Variants in BCL2L13 observed in about 807,000 individuals in gnomAD.
BCL2L13 encodes bcl-2-like protein 13.
A neutral mutation model predicts 25.8 loss-of-function variants in BCL2L13; 13 were observed. The observed-to-expected ratio is 0.50, with a 90% CI of 0.33 to 0.80. The LOEUF (loss-of-function observed/expected upper bound fraction) is 0.80, where lower values mean the gene tolerates loss of function less well. BCL2L13 is among the 30% of genes least tolerant of loss of function. BCL2L13 has a pLI of 0.02. For missense variants in BCL2L13, 504 were observed against 574.9 expected (o/e 0.88, Z 1.26); for synonymous variants, 244 against 230.3 (o/e 1.06, Z -0.54).
chr22:17,724,394 G>A (rs1283962266), intron 6 of BCL2L13, among the ~76,000 whole-genome samples: 1 of 152,228 alleles, frequency 6.6e-6, no homozygotes, highest in Non-Finnish European at 1.5e-5. Flanking sequence ...AGTTGGAGCT[G>A]GGATACAAGC....
chr22:17,730,646 A>ACATCC lies in BCL2L13; in HGVS notation c.*3116_*3117insCCATC, dbSNP rs775497512. 1.1e-4 allele frequency: 16 copies of ACATCC among 152,212 alleles called. No individual in the cohort carries two copies. The highest frequency in any genetic ancestry group is 1.8e-4 in the Non-Finnish European group (12 of 68,050). 9.4% of individuals were successfully genotyped at this position (152,212 alleles called of 1,614,324 possible). ...AATTTTCCCTTTCTCTTAATTTCTTACATCTTTCCACACAAACTTATCTTT... is the reference window on the plus strand; with the variant it reads ...AATTTTCCCTTTCTCTTAATTTCTTACATCCCATCTTTCCACACAAACTTATCTTT... On this transcript the variant is annotated 3_prime_UTR_variant, in exon 7 of 7. Transcript: ENST00000317582.
At chr22:17,709,184 C>T (rs891964652) in intron 6 of BCL2L13, among the ~76,000 whole-genome samples, 8 of 151,398 alleles carry the variant, frequency 5.3e-5, no homozygotes, top group Non-Finnish European at 1.2e-4. Flanking sequence ...TGCAGTGAGC[C>T]AAGACTGCGC....
chr22:17,720,328 C>T (rs940155879), intron 6 of BCL2L13, among the ~76,000 whole-genome samples: 20 of 152,002 alleles, frequency 1.3e-4, no homozygotes, highest in African/African-American at 4.8e-4. Context: ...AGGTGTACAT[C>T]ACCAAGACCA....
intron 6 of BCL2L13, among the ~76,000 whole-genome samples, chr22:17,725,303 G>C (rs2061265219): frequency 6.6e-6 from 1 of 152,166 alleles, no homozygotes; most frequent in South Asian, 2.1e-4. Flanking sequence ...TGTCCTCACT[G>C]ACCTTCTATT....
chr22:17,719,830 A>G (rs1031720363), intron 6 of BCL2L13, among the ~76,000 whole-genome samples: 22 of 59,986 alleles, frequency 3.7e-4, no homozygotes, highest in African/African-American at 1.6e-3. Flanking sequence ...TCCATCTCAA[A>G]AAAAAAAAAA....
intron 2 of BCL2L13, among the ~76,000 whole-genome samples, chr22:17,682,336 A>T (rs1002684233): frequency 6.6e-6 from 1 of 152,168 alleles, no homozygotes; most frequent in Non-Finnish European, 1.5e-5. Flanking sequence ...GCAGCAGTCA[A>T]CTAACTGTTG....
Position 17,714,020 on chromosome 22 carries a change from G to A in BCL2L13, c.600+11634G>A, listed in dbSNP as rs150294001. On this transcript the variant is annotated intron_variant, in intron 6 of 6. Coordinates refer to ENST00000317582, the MANE Select transcript of BCL2L13 (RefSeq NM_015367.4). The stretch of plus-strand genomic sequence containing the variant: ...AAAAATTAGCCAGGTGTGGCTGGGC[G>A]CGGAGGCTCACACCTGTAATCCCAG... Among the ~76,000 whole-genome samples the A allele has an allele frequency of 7.8e-4, 117 of 150,552 alleles. 1 individual carries two copies. Among genetic ancestry groups the A allele is most frequent in the African/African-American group, 2.5e-3 (103 of 41,052 alleles).
chr22:17,695,234 T>C (rs1486675192), intron 4 of BCL2L13, among the ~76,000 whole-genome samples: 1 of 152,166 alleles, frequency 6.6e-6, no homozygotes, highest in Non-Finnish European at 1.5e-5. Context: ...CCTGCTTAAC[T>C]GCAAGGGGCT....
At chr22:17,696,078 A>G in intron 4 of BCL2L13, 63 bp from the exon 5 acceptor site, 4 of 1,195,898 alleles carry the variant, frequency 3.3e-6, no homozygotes, top group Middle Eastern at 1.9e-4. Flanking sequence ...CTGTATATGT[A>G]TTCATCTGGA....
At chr22:17,662,744 A>G (rs1283515123) in intron 2 of BCL2L13, among the ~76,000 whole-genome samples, 1 of 152,036 alleles carries the variant, frequency 6.6e-6, no homozygotes, top group East Asian at 1.9e-4. Flanking sequence ...ACTTGAGCCC[A>G]GTCTGCTGAG....
chr22:17,640,233 G>A (rs1451883345), intron 1 of BCL2L13, among the ~76,000 whole-genome samples: 1 of 152,150 alleles, frequency 6.6e-6, no homozygotes, highest in Non-Finnish European at 1.5e-5. Context: ...CCCAAGTGAA[G>A]TATTCTTCAT....
chr22:17,670,604 C>T (rs561234517), intron 2 of BCL2L13, among the ~76,000 whole-genome samples: 1 of 152,162 alleles, frequency 6.6e-6, no homozygotes, highest in South Asian at 2.1e-4. Flanking sequence ...AAGCCCCCGA[C>T]CTCGGCTGCT....
intron 6 of BCL2L13, among the ~76,000 whole-genome samples, chr22:17,709,177 A>G (rs536317906): frequency 3.3e-5 from 5 of 151,976 alleles, no homozygotes; most frequent in African/African-American, 7.2e-5. Context: ...CAGAGGTTGC[A>G]GTGAGCCAAG....
intron 2 of BCL2L13, among the ~76,000 whole-genome samples, chr22:17,656,756 AC>A (rs2058882608): frequency 6.6e-6 from 1 of 152,070 alleles, no homozygotes; most frequent in Non-Finnish European, 1.5e-5. Context: ...ACTTTCACTT[AC>A]AATTGTTGAG....
chr22:17,707,341 A>G (rs549348340), intron 6 of BCL2L13, among the ~76,000 whole-genome samples: 18 of 152,296 alleles, frequency 1.2e-4, no homozygotes, highest in African/African-American at 4.1e-4. Flanking sequence ...ATGATCTGAG[A>G]GGCGCATTTG....
intron 6 of BCL2L13, among the ~76,000 whole-genome samples, chr22:17,713,972 T>C (rs1437412952): frequency 6.6e-6 from 1 of 151,084 alleles, no homozygotes; most frequent in African/African-American, 2.4e-5. Flanking sequence ...GGTGATACCC[T>C]ATTTCTACCA....
upstream of BCL2L13, among the ~76,000 whole-genome samples, chr22:17,634,375 C>T (rs1340379185): frequency 2.0e-5 from 3 of 152,004 alleles, no homozygotes; most frequent in South Asian, 2.1e-4. Flanking sequence ...TTAGTAGAGA[C>T]GAGGTTTCAC....
chr22:17,664,424 C>T (rs921774686), intron 2 of BCL2L13, among the ~76,000 whole-genome samples: 3 of 147,748 alleles, frequency 2.0e-5, no homozygotes, highest in Admixed American at 6.8e-5. Context: ...CACCCCCCCC[C>T]GGCTCCTTTC....
chr22:17,665,923 C>T (rs1024847530), intron 2 of BCL2L13, among the ~76,000 whole-genome samples: 1 of 151,990 alleles, frequency 6.6e-6, no homozygotes, highest in Non-Finnish European at 1.5e-5. Flanking sequence ...TATGAATAAA[C>T]GTTTGTGTGT....
Sources: gnomAD v4.1 joint callset for allele counts (sites outside exome capture counted in the v4.1 genomes callset) on GRCh38, gnomAD v4.1.1 for gene constraint, MANE v1.5 for transcripts, NCBI Gene and HGNC (gene_info 2026-07-23, HGNC 2026-07-21) for gene names.